Variants in BMPR1B observed in about 807,000 individuals in gnomAD.
The protein encoded by BMPR1B is bone morphogenetic protein receptor type 1B.
BMPR1B carries 12 observed loss-of-function variants against 59.1 expected under a neutral mutation model. That is an observed-to-expected ratio of 0.20 (90% confidence interval 0.13 to 0.33). The LOEUF is 0.33. Among genes scored for constraint, BMPR1B ranks in the 10% least tolerant of loss-of-function variants. The pLI is 1.00. For synonymous variants in BMPR1B, 237 were observed against 207.3 expected (o/e 1.14, Z -1.23); for missense variants, 550 against 610.9 (o/e 0.90, Z 1.05).
chr4:94,804,143 G>A (rs899342119), intron 1 of BMPR1B, among the ~76,000 whole-genome samples: 1 of 152,180 alleles, frequency 6.6e-6, no homozygotes, highest in Non-Finnish European at 1.5e-5. Flanking sequence ...CTCCCAAAGT[G>A]CTGGGATTAC....
At chr4:95,149,892 G>C (rs1416027819) in intron 11 of BMPR1B, among the ~76,000 whole-genome samples, 2 of 152,136 alleles carry the variant, frequency 1.3e-5, no homozygotes, top group Non-Finnish European at 2.9e-5. Flanking sequence ...TTGAATTATT[G>C]TATCTGCTTC....
intron 4 of BMPR1B, among the ~76,000 whole-genome samples, chr4:95,111,175 T>C (rs1731607635): frequency 6.6e-6 from 1 of 152,092 alleles, no homozygotes; most frequent in Admixed American, 6.6e-5. Context: ...ATCATATAAA[T>C]ATAATGCTTT....
intron 2 of BMPR1B, among the ~76,000 whole-genome samples, chr4:94,949,028 G>A (rs1446242495): frequency 6.6e-6 from 1 of 152,134 alleles, no homozygotes; most frequent in Non-Finnish European, 1.5e-5. Flanking sequence ...GAACATGCAG[G>A]TTTGTTACAT....
chr4:94,821,287 G>A (rs1724199198), intron 1 of BMPR1B, among the ~76,000 whole-genome samples: 1 of 152,114 alleles, frequency 6.6e-6, no homozygotes, highest in Admixed American at 6.6e-5. Context: ...TTGGTAACTA[G>A]TAAGCATTAG....
intron 2 of BMPR1B, among the ~76,000 whole-genome samples, chr4:94,944,027 T>C (rs1424993337): frequency 1.3e-5 from 2 of 152,176 alleles, no homozygotes; most frequent in African/African-American, 4.8e-5. Flanking sequence ...CATAAGTACT[T>C]ACCACAAAAC....
intron 1 of BMPR1B, among the ~76,000 whole-genome samples, chr4:94,826,956 T>A (rs964412364): frequency 2.6e-5 from 4 of 152,194 alleles, no homozygotes; most frequent in African/African-American, 9.6e-5. Flanking sequence ...TGCAGCATAA[T>A]ACTACTTTCA....
At chr4:94,958,806 C>G (rs1730252121) in intron 2 of BMPR1B, among the ~76,000 whole-genome samples, 2 of 151,034 alleles carry the variant, frequency 1.3e-5, no homozygotes, top group African/African-American at 4.8e-5. Context: ...TAACCTGTAT[C>G]TCTGTACTCT....
intron 2 of BMPR1B, among the ~76,000 whole-genome samples, chr4:94,951,812 G>T (rs1729949697): frequency 6.6e-6 from 1 of 152,106 alleles, no homozygotes. Flanking sequence ...TCTTTGTTTG[G>T]AATAGTTTCA....
At chr4:94,906,111 G>A (rs1728029849) in intron 2 of BMPR1B, among the ~76,000 whole-genome samples, 1 of 151,768 alleles carries the variant, frequency 6.6e-6, no homozygotes, top group Non-Finnish European at 1.5e-5. Context: ...AATAGTGTTT[G>A]GATATAATTC....
rs187388639 is a variant in BMPR1B at position 94,782,415 on chromosome 4, C to A, written c.-183+24347C>A. On this transcript the variant is annotated intron_variant, in intron 1 of 12. Transcript: ENST00000515059. ...CAACCTCCCAGGCTCAAGTGATCAT[C>A]CCACCTCAGCCTCCCTAGTAGCTGG... Among the ~76,000 whole-genome samples, 345 of 152,072 alleles carry A rather than the reference C, an allele frequency of 2.3e-3. 1 individual carries two copies. The highest frequency in any genetic ancestry group is 3.9e-3 in the Non-Finnish European group (263 of 68,002).
intron 3 of BMPR1B, among the ~76,000 whole-genome samples, chr4:95,031,953 A>C (rs1262665739): frequency 1.3e-5 from 2 of 152,094 alleles, no homozygotes; most frequent in Non-Finnish European, 2.9e-5. Flanking sequence ...ATACTGTAAC[A>C]TAACGATTCT....
chr4:94,857,014 AGG>A (rs1725783022), intron 1 of BMPR1B, among the ~76,000 whole-genome samples: 1 of 152,158 alleles, frequency 6.6e-6, no homozygotes, highest in South Asian at 2.1e-4. Context: ...AAATCTGCAG[AGG>A]GGGCAAGAAA....
chr4:95,109,543 A>G (rs1180589192), intron 4 of BMPR1B, among the ~76,000 whole-genome samples: 1 of 152,020 alleles, frequency 6.6e-6, no homozygotes, highest in East Asian at 1.9e-4. Flanking sequence ...TACCTTGCAT[A>G]CTGAATGTCA....
At chr4:94,930,997 A>G (rs1729075311) in intron 2 of BMPR1B, among the ~76,000 whole-genome samples, 1 of 152,064 alleles carries the variant, frequency 6.6e-6, no homozygotes, top group Non-Finnish European at 1.5e-5. Flanking sequence ...GTTTCTGGAC[A>G]TCTCTTTGGC....
At chr4:95,038,438 T>A (rs1725419752) in intron 3 of BMPR1B, among the ~76,000 whole-genome samples, 1 of 152,168 alleles carries the variant, frequency 6.6e-6, no homozygotes, top group South Asian at 2.1e-4. Flanking sequence ...CAAGCTTTAT[T>A]TCCATAGGCT....
intron 2 of BMPR1B, among the ~76,000 whole-genome samples, chr4:94,980,393 C>G (rs1418507999): frequency 3.3e-5 from 5 of 152,174 alleles, no homozygotes; most frequent in Admixed American, 2.6e-4. Flanking sequence ...TGATATACAA[C>G]AGGTCCTCAA....
chr4:95,130,668 G>A (rs1359414890), intron 9 of BMPR1B, among the ~76,000 whole-genome samples: 1 of 143,780 alleles, frequency 7.0e-6, no homozygotes, highest in Non-Finnish European at 1.5e-5. Flanking sequence ...ATTTTCAGAT[G>A]TAAACTCTTA....
At chr4:95,003,854 C>T (rs6829326) in intron 3 of BMPR1B, among the ~76,000 whole-genome samples, 37,852 of 127,168 alleles carry the variant, frequency 0.3, 5,938 homozygotes, top group South Asian at 0.45. Context: ...GTCGCCCAGG[C>T]TGGAGTGCAG....
intron 2 of BMPR1B, among the ~76,000 whole-genome samples, chr4:94,936,830 C>T (rs1729320402): frequency 6.6e-6 from 1 of 152,110 alleles, no homozygotes; most frequent in Admixed American, 6.6e-5. Flanking sequence ...TTGAAATTAG[C>T]ACAGTTCTCT....
Sources: allele counts gnomAD v4.1 joint callset (sites outside exome capture counted in the v4.1 genomes callset), GRCh38; gene constraint gnomAD v4.1.1; transcripts MANE v1.5; gene names NCBI Gene and HGNC (gene_info 2026-07-23, HGNC 2026-07-21).